The following CNTN4 variants were observed in gnomAD, a reference collection of about 807,000 sequenced individuals.
CNTN4 encodes contactin-4.
A neutral mutation model predicts 122.5 loss-of-function variants in CNTN4; 77 were observed. The observed-to-expected ratio is 0.63, with a 90% CI of 0.52 to 0.76. CNTN4 has a LOEUF of 0.76. Among genes scored for constraint, CNTN4 ranks in the 30% least tolerant of loss-of-function variants. The probability of loss-of-function intolerance (pLI) is 0.00; values close to 1 mark genes in which losing one functional copy is unlikely to be tolerated. For missense variants in CNTN4, 1,256 were observed against 1,259.1 expected (o/e 1.00, Z 0.04); for synonymous variants, 512 against 447.0 (o/e 1.15, Z -1.83).
rs2094467691 is a variant in CNTN4 at position 2,925,767 on chromosome 3, A to G, written c.1346A>G (p.Lys449Arg). The change falls in exon 13 of 25, where the codon AAA (lysine) becomes AGA (arginine). Residue 449 changes from lysine (K) to arginine (R), a missense_variant. By Grantham distance (26) the Lys-to-Arg change is conservative. Transcript: ENST00000418658. Reference protein sequence around the residue: ...YTWKKGRDILKENERITISED... With the variant: ...YTWKKGRDILRENERITISED... Reference sequence around the variant, plus strand: ...TGGAAGAAAGGAAGGGATATATTAAAAGAAAATGAAAGGTACTGTCTTGAA... The same window carrying G: ...TGGAAGAAAGGAAGGGATATATTAAGAGAAAATGAAAGGTACTGTCTTGAA... 1 of 1,613,016 alleles carries G rather than the reference A, an allele frequency of 6.2e-7. No individual in the cohort carries two copies.
At chr3:2,255,343 T>TGCC (rs2040538131) in intron 2 of CNTN4, among the ~76,000 whole-genome samples, 1 of 152,100 alleles carries the variant, frequency 6.6e-6, no homozygotes, top group South Asian at 2.1e-4. Context: ...GTGTGAGACT[T>TGCC]TAACACCCCA....
intron 15 of CNTN4, among the ~76,000 whole-genome samples, chr3:3,028,041 A>G (rs1698875753): frequency 6.6e-6 from 1 of 152,232 alleles, no homozygotes; most frequent in African/African-American, 2.4e-5. Flanking sequence ...CACTAGGATC[A>G]TTAATGTCTG....
chr3:2,778,257 A>T (rs887814295), intron 6 of CNTN4, among the ~76,000 whole-genome samples: 2 of 86,018 alleles, frequency 2.3e-5, no homozygotes, highest in Non-Finnish European at 5.5e-5. Context: ...AATAAATAAA[A>T]TAAAGAAATA....
chr3:3,039,866 T>C, intron 19 of CNTN4, 171 bp from the exon 20 acceptor site: 1 of 652,494 alleles, frequency 1.5e-6, no homozygotes, highest in East Asian at 2.8e-5. Flanking sequence ...ACATCATAAC[T>C]GTTTAAGATA....
chr3:2,580,142 T>G (rs2149556796), intron 4 of CNTN4, among the ~76,000 whole-genome samples: 1 of 152,284 alleles, frequency 6.6e-6, no homozygotes, highest in East Asian at 1.9e-4. Context: ...AAGTAACAGT[T>G]GTTATTAATA....
At chr3:2,708,727 T>TCTCACACACACACACACA (rs1214979217) in intron 4 of CNTN4, among the ~76,000 whole-genome samples, 1 of 150,894 alleles carries the variant, frequency 6.6e-6, no homozygotes, top group African/African-American at 2.4e-5. Flanking sequence ...CACGCGCGCA[T>TCTCACACACACACACACA]CACACACACA....
intron 2 of CNTN4, among the ~76,000 whole-genome samples, chr3:2,116,845 C>A (rs1402551799): frequency 6.6e-6 from 1 of 152,080 alleles, no homozygotes; most frequent in East Asian, 1.9e-4. Flanking sequence ...TAGAATAATC[C>A]GGTTAATCGA....
intron 15 of CNTN4, among the ~76,000 whole-genome samples, chr3:3,028,632 T>C (rs1385360183): frequency 2.0e-5 from 3 of 152,160 alleles, no homozygotes; most frequent in Admixed American, 2.0e-4. Flanking sequence ...GCTTCCCACC[T>C]TCCCTGCACG....
intron 4 of CNTN4, among the ~76,000 whole-genome samples, chr3:2,699,837 A>G (rs2086262343): frequency 6.6e-6 from 1 of 152,144 alleles, no homozygotes; most frequent in Non-Finnish European, 1.5e-5. Flanking sequence ...CTTCAACAGT[A>G]ATGTGTTGAT....
At chr3:2,946,004 A>C (rs1002731990) in intron 13 of CNTN4, among the ~76,000 whole-genome samples, 4 of 152,240 alleles carry the variant, frequency 2.6e-5, no homozygotes, top group African/African-American at 9.6e-5. Context: ...AGAGAGTCTC[A>C]TCTTCTTTCA....
At chr3:2,557,051 T>A (rs2078748915) in intron 3 of CNTN4, among the ~76,000 whole-genome samples, 1 of 152,214 alleles carries the variant, frequency 6.6e-6, no homozygotes. Context: ...ATGATTTTCT[T>A]TGTCCTTTGC....
chr3:2,780,110 T>G (rs568701422), intron 6 of CNTN4, among the ~76,000 whole-genome samples: 2 of 152,356 alleles, frequency 1.3e-5, no homozygotes, highest in South Asian at 4.1e-4. Context: ...ATCTGATGTG[T>G]ACTCTGACCC....
At chr3:2,294,508 G>A (rs1195994772) in intron 2 of CNTN4, among the ~76,000 whole-genome samples, 2 of 152,030 alleles carry the variant, frequency 1.3e-5, no homozygotes, top group African/African-American at 4.8e-5. Context: ...GCAGACACCT[G>A]TAATCCAAGC....
intron 6 of CNTN4, among the ~76,000 whole-genome samples, chr3:2,772,271 A>G (rs2091134880): frequency 6.6e-6 from 1 of 152,072 alleles, no homozygotes; most frequent in African/African-American, 2.4e-5. Flanking sequence ...AAGGCTTTCC[A>G]ATATCGCAGG....
intron 4 of CNTN4, among the ~76,000 whole-genome samples, chr3:2,585,353 G>A (rs967062175): frequency 6.6e-6 from 1 of 151,192 alleles, no homozygotes. Context: ...ATACCCAAGG[G>A]ATTATAAATC....
At chr3:2,420,723 C>T (rs760176879) in intron 3 of CNTN4, among the ~76,000 whole-genome samples, 1 of 152,084 alleles carries the variant, frequency 6.6e-6, no homozygotes, top group Admixed American at 6.5e-5. Flanking sequence ...TGGGCCACCG[C>T]GCCTGGCCAA....
chr3:2,354,519 G>A (rs973931382), intron 3 of CNTN4, among the ~76,000 whole-genome samples: 6 of 152,234 alleles, frequency 3.9e-5, no homozygotes, highest in East Asian at 3.9e-4. Flanking sequence ...TGGCAAGAGC[G>A]AGACTCCATC....
rs371063914 is a variant in CNTN4 at position 2,327,370 on chromosome 3, C to T, written c.-144-11808C>T. 1.0e-3 allele frequency among the ~76,000 whole-genome samples: 156 copies of T among 152,210 alleles called. 1 individual carries two copies. Among genetic ancestry groups the T allele is most frequent in the African/African-American group, 3.6e-3 (149 of 41,530 alleles). On this transcript the variant is annotated intron_variant, in intron 2 of 24. Coordinates refer to ENST00000418658, the MANE Select transcript of CNTN4 (RefSeq NM_175607.3). The stretch of plus-strand genomic sequence containing the variant: ...GCAAAATATTATTTATTTCATCCTC[C>T]TTATGCTATTTAGTTTCCATCTCAT...
chr3:2,333,085 A>G (rs903068153), intron 2 of CNTN4, among the ~76,000 whole-genome samples: 1 of 152,086 alleles, frequency 6.6e-6, no homozygotes. Context: ...TAATTATGTT[A>G]CATCAAGACA....
Sources: allele counts gnomAD v4.1 joint callset (sites outside exome capture counted in the v4.1 genomes callset), GRCh38; gene constraint gnomAD v4.1.1; transcripts MANE v1.5; gene names NCBI Gene and HGNC (gene_info 2026-07-23, HGNC 2026-07-21).